The following ROBO2 variants were observed in gnomAD, a reference collection of about 807,000 sequenced individuals.
ROBO2 encodes roundabout guidance receptor 2, also known as roundabout homolog 2.
Under a neutral mutation model 160.8 loss-of-function variants are expected in ROBO2, and 53 were observed. That is an observed-to-expected ratio of 0.33 (90% confidence interval 0.26 to 0.41). The LOEUF is 0.41. ROBO2 is among the 10% of genes least tolerant of loss of function. The pLI, the probability that ROBO2 is intolerant of heterozygous loss-of-function variation, is 1.00. For missense variants in ROBO2, 1,577 were observed against 1,722.4 expected (o/e 0.92, Z 1.49); for synonymous variants, 664 against 611.7 (o/e 1.09, Z -1.26).
intron 2 of ROBO2, among the ~76,000 whole-genome samples, chr3:76,260,018 T>C (rs1301249387): frequency 6.6e-6 from 1 of 152,132 alleles, no homozygotes; most frequent in African/African-American, 2.4e-5. Context: ...AGATCTTTAT[T>C]GATAAAAATA....
chr3:77,500,808 A>G (rs2153606874), intron 5 of ROBO2, among the ~76,000 whole-genome samples: 1 of 152,318 alleles, frequency 6.6e-6, no homozygotes, highest in Admixed American at 6.5e-5. Flanking sequence ...CAAGTTGCCT[A>G]GTCCTGTGAC....
chr3:77,416,962 G>T (rs2077284775), intron 2 of ROBO2, among the ~76,000 whole-genome samples: 1 of 152,092 alleles, frequency 6.6e-6, no homozygotes, highest in Non-Finnish European at 1.5e-5. Flanking sequence ...CAGAAGGTGA[G>T]CAAGCATAAT....
chr3:76,960,020 T>C (rs2079536999), intron 2 of ROBO2, among the ~76,000 whole-genome samples: 1 of 152,074 alleles, frequency 6.6e-6, no homozygotes, highest in Non-Finnish European at 1.5e-5. Context: ...GTATTCTATG[T>C]TTGGTTTCAA....
chr3:77,183,593 C>A (rs1483431725), intron 2 of ROBO2, among the ~76,000 whole-genome samples: 1 of 152,000 alleles, frequency 6.6e-6, no homozygotes, highest in Non-Finnish European at 1.5e-5. Context: ...ACCCCTTGAT[C>A]TTGAACTTCT....
intron 2 of ROBO2, among the ~76,000 whole-genome samples, chr3:76,115,655 T>G (rs1379908618): frequency 6.6e-6 from 1 of 152,162 alleles, no homozygotes. Context: ...TCTAGCATTG[T>G]TAGGAAATTT....
chr3:77,426,527 T>A (rs1208723014), intron 2 of ROBO2, among the ~76,000 whole-genome samples: 1 of 152,030 alleles, frequency 6.6e-6, no homozygotes, highest in Non-Finnish European at 1.5e-5. Flanking sequence ...AAATTCTTTT[T>A]CTTGATCATA....
intron 2 of ROBO2, among the ~76,000 whole-genome samples, chr3:76,108,612 A>G (rs989708097): frequency 6.6e-6 from 1 of 151,782 alleles, no homozygotes; most frequent in African/African-American, 2.4e-5. Context: ...AAGTAGCCCA[A>G]ATTTTCCTCA....
chr3:76,804,315 A>C (rs1466225295), intron 2 of ROBO2, among the ~76,000 whole-genome samples: 1 of 152,208 alleles, frequency 6.6e-6, no homozygotes, highest in Non-Finnish European at 1.5e-5. Flanking sequence ...CCATGAAGGA[A>C]GGAAGATATT....
intron 2 of ROBO2, among the ~76,000 whole-genome samples, chr3:76,857,207 G>C (rs560116217): frequency 6.6e-6 from 1 of 152,028 alleles, no homozygotes; most frequent in African/African-American, 2.4e-5. Context: ...GGATGGTCTC[G>C]ATCTCCTGAC....
At chr3:76,639,705 T>C (rs190891692) in intron 2 of ROBO2, among the ~76,000 whole-genome samples, 28 of 151,910 alleles carry the variant, frequency 1.8e-4, no homozygotes, top group Non-Finnish European at 3.5e-4. Context: ...ACATGATTCA[T>C]CTCACACGAA....
intron 1 of ROBO2, among the ~76,000 whole-genome samples, chr3:77,057,227 C>A (rs1015454026): frequency 1.1e-4 from 17 of 152,100 alleles, no homozygotes; most frequent in African/African-American, 3.4e-4. Flanking sequence ...AACCAAACAC[C>A]GCATGTTCTC....
chr3:77,488,712 T>C (rs934648234), intron 4 of ROBO2, among the ~76,000 whole-genome samples: 19 of 152,292 alleles, frequency 1.2e-4, no homozygotes, highest in Middle Eastern at 3.4e-3. Flanking sequence ...GTTACTTCCT[T>C]ATAATTTTTA....
chr3:76,905,622 C>A (rs1011266309), intron 2 of ROBO2, among the ~76,000 whole-genome samples: 1 of 152,094 alleles, frequency 6.6e-6, no homozygotes, highest in Non-Finnish European at 1.5e-5. Flanking sequence ...GGGATTACCT[C>A]ATTAAAAACA....
chr3:77,262,965 C>T (rs550288755), intron 2 of ROBO2, among the ~76,000 whole-genome samples: 1 of 152,226 alleles, frequency 6.6e-6, no homozygotes, highest in South Asian at 2.1e-4. Flanking sequence ...TCATAAAATT[C>T]TCACAACAGT....
intron 1 of ROBO2, among the ~76,000 whole-genome samples, chr3:77,084,084 T>G (rs1415777756): frequency 6.6e-6 from 1 of 152,082 alleles, no homozygotes; most frequent in Non-Finnish European, 1.5e-5. Context: ...TATTAGACAA[T>G]TCACACTTCT....
chr3:75,995,948 T>C (rs1162605810), intron 2 of ROBO2, among the ~76,000 whole-genome samples: 1 of 152,208 alleles, frequency 6.6e-6, no homozygotes, highest in Non-Finnish European at 1.5e-5. Context: ...CCTTTTGGAA[T>C]GGGTGCATTT....
At chr3:77,391,834 A>G (rs9863295) in intron 2 of ROBO2, among the ~76,000 whole-genome samples, 49,161 of 151,944 alleles carry the variant, frequency 0.32, 8,234 homozygotes, top group East Asian at 0.47. Flanking sequence ...TGCTGGCATT[A>G]TAAGCATGAG....
intron 2 of ROBO2, among the ~76,000 whole-genome samples, chr3:76,260,390 T>G (rs1576146459): frequency 6.6e-6 from 1 of 152,228 alleles, no homozygotes; most frequent in East Asian, 1.9e-4. Context: ...AAAAAAGTTC[T>G]CTACAATGAT....
At chr3:77,316,846 G>A (rs1244827112) in intron 2 of ROBO2, 1 of 1,233,118 alleles carries the variant, frequency 8.1e-7, no homozygotes, top group African/African-American at 1.5e-5. Context: ...TTTGATACCT[G>A]GCTGCAGGGT....
Sources: gnomAD v4.1 joint callset for allele counts (sites outside exome capture counted in the v4.1 genomes callset) on GRCh38, gnomAD v4.1.1 for gene constraint, MANE v1.5 for transcripts, NCBI Gene and HGNC (gene_info 2026-07-23, HGNC 2026-07-21) for gene names.